Variants in TEX14 observed in about 807,000 individuals in gnomAD.
The protein encoded by TEX14 is inactive serine/threonine-protein kinase TEX14.
A neutral mutation model predicts 178.6 loss-of-function variants in TEX14; 168 were observed. The ratio of observed to expected loss-of-function variants is 0.94; its 90% CI spans 0.83 to 1.07. The LOEUF (loss-of-function observed/expected upper bound fraction) is 1.07. Ranked by LOEUF, TEX14 falls within the 50% of genes least tolerant of loss-of-function variation. The pLI is 0.00. For synonymous variants in TEX14, 626 were observed against 634.1 expected (o/e 0.99, Z 0.19); for missense variants, 1,730 against 1,753.6 (o/e 0.99, Z 0.24).
At chr17:58,631,750 T>TC (rs1490441584) in intron 2 of TEX14, 1 of 151,186 alleles carries the variant, frequency 6.6e-6, no homozygotes, top group Non-Finnish European at 1.5e-5. Flanking sequence ...CACAAATATC[T>TC]CCCTCTCGCG....
chr17:58,588,658 T>C (rs926077815), intron 15 of TEX14, among the ~76,000 whole-genome samples: 4 of 152,202 alleles, frequency 2.6e-5, no homozygotes, highest in African/African-American at 9.6e-5. Flanking sequence ...CTAGTCCCAC[T>C]GAATTCTAGA....
rs143705967 is a variant in TEX14 at position 58,589,244 on chromosome 17, C to T, written c.2577-1223G>A. On this transcript the variant is annotated intron_variant, in intron 15 of 31. Transcript: ENST00000349033. The stretch of plus-strand genomic sequence containing the variant: ...CACCACTGCACTCCAGCCTGGGTGA[C>T]AGAGCGAGACTCTATTTCCAAAGAA... 4.1e-3 allele frequency among the ~76,000 whole-genome samples: 609 copies of T among 147,554 alleles called. 2 individuals are homozygous for T. Among genetic ancestry groups the T allele is most frequent in the Non-Finnish European group, 6.0e-3 (406 of 67,166 alleles).
chr17:58,637,582 G>C (rs1410633151), intron 2 of TEX14, among the ~76,000 whole-genome samples: 1 of 152,236 alleles, frequency 6.6e-6, no homozygotes, highest in Non-Finnish European at 1.5e-5. Context: ...GGAAGCTTCT[G>C]AATAGCTGAA....
At chr17:58,642,006 A>T (rs902464303) in intron 2 of TEX14, among the ~76,000 whole-genome samples, 1 of 152,192 alleles carries the variant, frequency 6.6e-6, no homozygotes, top group African/African-American at 2.4e-5. Flanking sequence ...CTTCTTCAGA[A>T]GTCTAGTCTC....
intron 3 of TEX14, among the ~76,000 whole-genome samples, chr17:58,625,835 G>C (rs1026216226): frequency 6.6e-6 from 1 of 152,094 alleles, no homozygotes; most frequent in Admixed American, 6.6e-5. Context: ...CCGCCTCCTG[G>C]GTTGAAGATA....
At chr17:58,579,359 G>A (rs2044755234) in intron 20 of TEX14, among the ~76,000 whole-genome samples, 1 of 152,182 alleles carries the variant, frequency 6.6e-6, no homozygotes, top group Non-Finnish European at 1.5e-5. Flanking sequence ...CTTGCTATGT[G>A]GCACACCAAG....
chr17:58,650,242 G>A (rs1027280950), intron 2 of TEX14, among the ~76,000 whole-genome samples: 2 of 151,450 alleles, frequency 1.3e-5, no homozygotes, highest in African/African-American at 4.9e-5. Context: ...TAGTAGAGAC[G>A]GGGTTTCACC....
At chr17:58,631,729 T>C (rs1039680130) in intron 2 of TEX14, 6 of 145,942 alleles carry the variant, frequency 4.1e-5, no homozygotes, top group South Asian at 2.2e-4. Flanking sequence ...GCTATCCCAC[T>C]CGTGAGAGAA....
intron 2 of TEX14, among the ~76,000 whole-genome samples, chr17:58,639,629 G>A (rs1339426810): frequency 6.6e-6 from 1 of 152,182 alleles, no homozygotes; most frequent in African/African-American, 2.4e-5. Context: ...GAACCCGGGA[G>A]GCGGATGTTG....
intron 5 of TEX14, among the ~76,000 whole-genome samples, chr17:58,618,002 C>G (rs114305187): frequency 1.3e-3 from 201 of 152,326 alleles, no homozygotes; most frequent in African/African-American, 4.6e-3. Context: ...CTGGGGGAGG[C>G]TCAATGCCCA....
chr17:58,578,676 TG>T (rs2044737366), intron 20 of TEX14, among the ~76,000 whole-genome samples: 1 of 152,182 alleles, frequency 6.6e-6, no homozygotes, highest in South Asian at 2.1e-4. Context: ...ACAAGTTAAG[TG>T]GCCACATACA....
intron 10 of TEX14, among the ~76,000 whole-genome samples, chr17:58,609,098 T>C (rs550479368): frequency 1.3e-5 from 2 of 152,140 alleles, no homozygotes; most frequent in Admixed American, 6.5e-5. Flanking sequence ...GCTCCGGTCA[T>C]ACCCTAACGG....
chr17:58,557,192 C>A, intron 31 of TEX14, 145 bp from the exon 32 acceptor site: 1 of 687,970 alleles, frequency 1.5e-6, no homozygotes, highest in Non-Finnish European at 2.6e-6. Flanking sequence ...CGATTATAAC[C>A]AACAGTGTGT....
chr17:58,621,829 C>A (rs372584438), intron 4 of TEX14, 43 bp from the exon 5 acceptor site: 13 of 1,569,748 alleles, frequency 8.3e-6, no homozygotes, highest in Non-Finnish European at 1.1e-5. Flanking sequence ...CGCACCAGTT[C>A]TCAATGGAAT....
chr17:58,684,212 A>T (rs1168063207), intron 1 of TEX14, among the ~76,000 whole-genome samples: 1 of 151,970 alleles, frequency 6.6e-6, no homozygotes, highest in Non-Finnish European at 1.5e-5. Context: ...CTATAATCCC[A>T]GCACTTTGGG....
chr17:58,578,406 G>T (rs957152744), intron 20 of TEX14, among the ~76,000 whole-genome samples: 1 of 152,164 alleles, frequency 6.6e-6, no homozygotes, highest in Non-Finnish European at 1.5e-5. Context: ...CTTGCTGAAG[G>T]TTATGCAGAA....
At chr17:58,638,050 T>A (rs2144601258) in intron 2 of TEX14, among the ~76,000 whole-genome samples, 1 of 152,048 alleles carries the variant, frequency 6.6e-6, no homozygotes, top group East Asian at 1.9e-4. Context: ...TTAGTACAGA[T>A]GGGGTTTCAC....
At chr17:58,557,433 G>A (rs2144312905) in intron 31 of TEX14, among the ~76,000 whole-genome samples, 1 of 152,100 alleles carries the variant, frequency 6.6e-6, no homozygotes, top group South Asian at 2.1e-4. Context: ...ACCATGCCCG[G>A]CTAATTTTTG....
At chr17:58,679,567 G>A (rs1598437140) in intron 1 of TEX14, 1 of 152,328 alleles carries the variant, frequency 6.6e-6, no homozygotes, top group East Asian at 1.9e-4. Flanking sequence ...CACAAATTAT[G>A]CAATTAAGTT....
Sources: gnomAD v4.1 joint callset for allele counts (sites outside exome capture counted in the v4.1 genomes callset) on GRCh38, gnomAD v4.1.1 for gene constraint, MANE v1.5 for transcripts, NCBI Gene and HGNC (gene_info 2026-07-23, HGNC 2026-07-21) for gene names.